PHRF1: variants seen among roughly 807,000 people sequenced by gnomAD.
PHRF1 encodes PHD and RING finger domain-containing protein 1.
A neutral mutation model predicts 128.9 loss-of-function variants in PHRF1; 53 were observed. The ratio of observed to expected loss-of-function variants is 0.41; its 90% confidence interval spans 0.33 to 0.52. The LOEUF (loss-of-function observed/expected upper bound fraction) is 0.52, where lower values mean the gene tolerates loss of function less well. PHRF1 is among the 20% of genes least tolerant of loss of function. The pLI is 0.21. For synonymous variants in PHRF1, 1,178 were observed against 980.6 expected, an observed-to-expected ratio of 1.20 and a Z score of -3.76; for missense variants, 2,503 against 2,284.5, an observed-to-expected ratio of 1.10 and a Z score of -1.95.
Position 605,743 on chromosome 11 carries a change from T to G in PHRF1, c.1454+19T>G. 3 of 1,597,064 alleles carry G rather than the reference T, an allele frequency of 1.9e-6. No individual in the cohort carries two copies. Among genetic ancestry groups the G allele is most frequent in the Non-Finnish European group, 2.6e-6 (3 of 1,176,042 alleles). On this transcript the variant is annotated intron_variant, in intron 12 of 17. Transcript: ENST00000264555. ...TTTCCAGGTGTGTGAGGGCAGAGGCTTCTGGGGAGGTGGGGGCAGCAGTTG... is the reference window on the plus strand; with the variant it reads ...TTTCCAGGTGTGTGAGGGCAGAGGCGTCTGGGGAGGTGGGGGCAGCAGTTG...
Position 610,732 on chromosome 11 carries a change from C to G in PHRF1, c.4648C>G (p.Leu1550Val), listed in dbSNP as rs751774707. 25 of 1,601,752 alleles carry G rather than the reference C, an allele frequency of 1.6e-5. No individual in the cohort carries two copies. Among genetic ancestry groups the G allele is most frequent in the Middle Eastern group, 1.6e-4 (1 of 6,084 alleles). Residue 1550 changes from leucine to valine, a missense_variant, in exon 16 of 18, where the codon CTA becomes GTA. Transcript: ENST00000264555. The part of the protein sequence containing the change: ...NSEEKTPAPR[L>V]AAEKTKKEEY... ...GGAGGAGAAGACCCCGGCCCCCAGGCTAGCTGCGGAGAAAACCAAGAAGGA... is the reference window on the plus strand; with the variant it reads ...GGAGGAGAAGACCCCGGCCCCCAGGGTAGCTGCGGAGAAAACCAAGAAGGA...
intron 3 of PHRF1, among the ~76,000 whole-genome samples, chr11:586,492 G>A (rs1204333934): frequency 6.6e-6 from 1 of 152,220 alleles, no homozygotes; most frequent in African/African-American, 2.4e-5. Context: ...CGTGGAACCG[G>A]GAGGGTTTGG....
At chr11:600,234 G>C (rs1855546024) in intron 9 of PHRF1, among the ~76,000 whole-genome samples, 1 of 151,516 alleles carries the variant, frequency 6.6e-6, no homozygotes, top group Non-Finnish European at 1.5e-5. Flanking sequence ...CTCCCCGATA[G>C]GAACACATTA....
intron 3 of PHRF1, among the ~76,000 whole-genome samples, chr11:585,857 T>C (rs113201578): frequency 0.039 from 5,877 of 151,070 alleles, 394 homozygotes; most frequent in African/African-American, 0.13. Flanking sequence ...ATTTTTTGTA[T>C]ATTTATTTAT....
At chr11:606,088 C>T (rs749246571) in intron 12 of PHRF1, among the ~76,000 whole-genome samples, 3 of 152,250 alleles carry the variant, frequency 2.0e-5, no homozygotes, top group African/African-American at 4.8e-5. Context: ...TCTTTTGTTT[C>T]GCCACAAGAA....
At chr11:605,777 A>T (rs1855904074) in intron 12 of PHRF1, 53 bp downstream of exon 12, 7 of 1,557,124 alleles carry the variant, frequency 4.5e-6, no homozygotes, top group Non-Finnish European at 6.0e-6. Context: ...TGGGCATCGG[A>T]TGGGAGTTCT....
At chr11:611,151 C>T in intron 17 of PHRF1, 69 bp downstream of exon 17, 1 of 1,591,492 alleles carries the variant, frequency 6.3e-7, no homozygotes, top group Non-Finnish European at 8.5e-7. Flanking sequence ...GTCTCGTCAG[C>T]ATGGACTTTG....
intron 6 of PHRF1, among the ~76,000 whole-genome samples, chr11:592,889 C>T (rs1403823865): frequency 6.6e-6 from 1 of 152,248 alleles, no homozygotes; most frequent in Non-Finnish European, 1.5e-5. Flanking sequence ...AGGCTGCCCA[C>T]AGAAGTGCAG....
intron 4 of PHRF1, among the ~76,000 whole-genome samples, chr11:589,156 C>T (rs1029034388): frequency 1.3e-5 from 2 of 151,870 alleles, no homozygotes; most frequent in African/African-American, 4.8e-5. Context: ...AAGGAGAACT[C>T]TTACAGATGA....
intron 1 of PHRF1, among the ~76,000 whole-genome samples, chr11:579,890 G>A (rs924364449): frequency 6.6e-6 from 1 of 152,166 alleles, no homozygotes. Context: ...AAGTGAGGCC[G>A]TCCTGGTTTC....
intron 5 of PHRF1, among the ~76,000 whole-genome samples, chr11:592,295 A>G (rs866199184): frequency 7.0e-6 from 1 of 142,176 alleles, no homozygotes; most frequent in African/African-American, 2.6e-5. Flanking sequence ...ACTGCGGCCC[A>G]CTTTGGGGCC....
chr11:608,331 A>G lies in PHRF1; in HGVS notation c.2875A>G (p.Thr959Ala), dbSNP rs779876286. 13 of 1,609,740 alleles carry G rather than the reference A, an allele frequency of 8.1e-6. No homozygotes were observed. Among genetic ancestry groups the G allele is most frequent in the African/African-American group, 1.3e-5 (1 of 74,874 alleles). Residue 959 changes from threonine (T) to alanine (A), a missense_variant, in exon 14 of 18, where the codon ACG becomes GCG. Physicochemically the swap from Thr to Ala is moderately conservative, Grantham distance 58. Coordinates refer to ENST00000264555, the MANE Select transcript of PHRF1 (RefSeq NM_001286581.2). ...CSTFFGSEERTVTCVTVVEPE... is the reference protein window; with the variant it reads ...CSTFFGSEERAVTCVTVVEPE... ...CACCTTCTTTGGCTCTGAGGAGCGG[A>G]CGGTGACCTGTGTGACTGTCGTGGA...
rs372144693 is a variant in PHRF1, at chr11:605,711, G to T, written c.1441G>T (p.Val481Leu). The part of the protein sequence containing the change: ...SHQPVARPVS[V>L]GLSRRRLPAA... The stretch of plus-strand genomic sequence containing the variant: ...CCAGCCCGTGGCCAGGCCCGTCTCC[G>T]TGGGGCTTTCCAGGTGTGTGAGGGC... The change falls in exon 12 of 18, where the codon GTG (valine) becomes TTG (leucine). Residue 481 changes from valine (V) to leucine (L), a missense_variant. Transcript: ENST00000264555. 2.5e-6 allele frequency: 4 copies of T among 1,611,180 alleles called. No individual in the cohort carries two copies. In the South Asian group the frequency reaches 4.4e-5, roughly 18 times the overall value.
chr11:588,402 G>A (rs1854717071), intron 4 of PHRF1, among the ~76,000 whole-genome samples: 1 of 151,490 alleles, frequency 6.6e-6, no homozygotes, highest in Non-Finnish European at 1.5e-5. Context: ...TTTTTGAGAC[G>A]GAGTTTTGTT....
At chr11:611,325 T>A (rs1212024596) in intron 17 of PHRF1, among the ~76,000 whole-genome samples, 1 of 152,106 alleles carries the variant, frequency 6.6e-6, no homozygotes, top group East Asian at 1.9e-4. Flanking sequence ...AATTTAAAAC[T>A]ACCCAGCCCA....
At chr11:581,739 G>A (rs982697903) in intron 2 of PHRF1, 133 bp downstream of exon 2, 22 of 1,034,788 alleles carry the variant, frequency 2.1e-5, no homozygotes, top group African/African-American at 4.9e-5. Flanking sequence ...TTTAAATTGC[G>A]GAAGTAGTGT....
rs780897004 is a variant in PHRF1, at chr11:607,151, C to T, written c.1695C>T (p.Pro565=). 5.0e-6 allele frequency: 8 copies of T among 1,612,990 alleles called. No individual in the cohort carries two copies. The highest frequency in any genetic ancestry group is 5.9e-6 in the Non-Finnish European group (7 of 1,179,788). The part of the protein sequence containing the change: ...FKGCLQPRAL[P]SGSPAQGPSG... Reference sequence around the variant, plus strand: ...GCTGCCTGCAGCCCCGAGCACTGCCCTCCGGGAGCCCGGCCCAAGGCCCGT... The same window carrying T: ...GCTGCCTGCAGCCCCGAGCACTGCCTTCCGGGAGCCCGGCCCAAGGCCCGT... Residue 565 remains proline, a synonymous_variant, in exon 14 of 18, where the codon CCC becomes CCT. Coordinates refer to ENST00000264555, the MANE Select transcript of PHRF1 (RefSeq NM_001286581.2).
intron 1 of PHRF1, among the ~76,000 whole-genome samples, chr11:577,607 A>G (rs1589851167): frequency 6.6e-6 from 1 of 152,374 alleles, no homozygotes; most frequent in East Asian, 1.9e-4. Context: ...AGGCCCGCGG[A>G]GACCTTTGTG....
intron 4 of PHRF1, among the ~76,000 whole-genome samples, chr11:588,184 T>C (rs1854699250): frequency 6.6e-6 from 1 of 152,092 alleles, no homozygotes; most frequent in African/African-American, 2.4e-5. Flanking sequence ...TCCTAGTGAC[T>C]GGGTCCTCCT....
Sources: allele counts gnomAD v4.1 joint callset (sites outside exome capture counted in the v4.1 genomes callset), GRCh38; gene constraint gnomAD v4.1.1; transcripts MANE v1.5; gene names NCBI Gene and HGNC (gene_info 2026-07-23, HGNC 2026-07-21).